The following PARVA variants were observed in gnomAD, a reference collection of about 807,000 sequenced individuals.
The protein encoded by PARVA is alpha-parvin.
A neutral mutation model predicts 52.6 loss-of-function variants in PARVA; 25 were observed. That is an observed-to-expected ratio of 0.48 (90% CI 0.35 to 0.66). PARVA has a LOEUF of 0.66. Among genes scored for constraint, PARVA ranks in the 30% least tolerant of loss-of-function variants. The pLI is 0.01. For synonymous variants in PARVA, 185 were observed against 179.1 expected, an observed-to-expected ratio of 1.03 and a Z score of -0.26; for missense variants, 373 against 450.9, an observed-to-expected ratio of 0.83 and a Z score of 1.56.
intron 1 of PARVA, among the ~76,000 whole-genome samples, chr11:12,404,943 G>T (rs1939880219): frequency 1.3e-5 from 2 of 152,204 alleles, no homozygotes; most frequent in South Asian, 4.1e-4. Flanking sequence ...AGTAGTGAAA[G>T]TCATTCACAT....
intron 1 of PARVA, among the ~76,000 whole-genome samples, chr11:12,422,270 TA>T (rs1940160888): frequency 2.6e-5 from 4 of 152,252 alleles, no homozygotes; most frequent in Admixed American, 2.6e-4. Flanking sequence ...TACTTCTTAA[TA>T]ATATGCTGTT....
At chr11:12,496,337 T>G in intron 4 of PARVA, 121 bp from the exon 5 acceptor site, 5 of 1,024,720 alleles carry the variant, frequency 4.9e-6, no homozygotes, top group South Asian at 1.7e-5. Context: ...CCAGTATCTA[T>G]TGTTGCAAGA....
upstream of PARVA, chr11:12,377,223 G>T: frequency 3.0e-6 from 1 of 334,138 alleles, no homozygotes; most frequent in Non-Finnish European, 5.3e-6. Flanking sequence ...CTCACCAGCC[G>T]CCGGCTGGAA....
chr11:12,508,767 A>G (rs752527335), intron 7 of PARVA, 125 bp downstream of exon 7: 84 of 785,824 alleles, frequency 1.1e-4, no homozygotes, highest in Non-Finnish European at 1.7e-4. Context: ...ACTTCAGCCA[A>G]TGATTATAGT....
In PARVA at chr11:12,473,755, G is replaced by A. The variant is rs1160449521; in HGVS notation, c.147G>A (p.Leu49=). The A allele has an allele frequency of 3.8e-6, 6 of 1,563,588 alleles. No homozygotes were observed. Among genetic ancestry groups the A allele is most frequent in the Non-Finnish European group, 5.2e-6 (6 of 1,153,126 alleles). ...TTCCTTTTCTTCCAGTGTCCGAGCTGCAGGAGGAGGGAATGAACGCCATCA... is the reference window on the plus strand; with the variant it reads ...TTCCTTTTCTTCCAGTGTCCGAGCTACAGGAGGAGGGAATGAACGCCATCA... ...RRKKAKEVSE[L]QEEGMNAINL... is the part of the protein sequence containing the mutation. Residue 49 remains leucine, a synonymous_variant, in exon 2 of 13, where the codon CTG becomes CTA. Transcript: ENST00000334956.
intron 1 of PARVA, among the ~76,000 whole-genome samples, chr11:12,384,003 C>A (rs1270345235): frequency 1.3e-5 from 2 of 152,066 alleles, no homozygotes; most frequent in Non-Finnish European, 2.9e-5. Context: ...CCCTTTCTAC[C>A]ATATCTGGCC....
intron 12 of PARVA, among the ~76,000 whole-genome samples, chr11:12,521,931 G>A (rs188247604): frequency 2.7e-3 from 406 of 152,218 alleles, no homozygotes; most frequent in Middle Eastern, 6.8e-3. Context: ...CGAGCCTCCA[G>A]AAAAAAATGC....
intron 1 of PARVA, chr11:12,398,426 G>A (rs912043193): frequency 6.6e-6 from 1 of 151,194 alleles, no homozygotes; most frequent in African/African-American, 2.4e-5. Flanking sequence ...TGGTGACCCT[G>A]GCTATTGTAA....
intron 1 of PARVA, among the ~76,000 whole-genome samples, chr11:12,417,653 A>T (rs1293525619): frequency 1.3e-5 from 2 of 152,198 alleles, no homozygotes; most frequent in Non-Finnish European, 2.9e-5. Flanking sequence ...GAAAAATGCA[A>T]GAGGATTTAT....
intron 8 of PARVA, 53 bp from the exon 9 acceptor site, chr11:12,513,246 T>C: frequency 6.4e-7 from 1 of 1,563,006 alleles, no homozygotes; most frequent in Non-Finnish European, 8.8e-7. Flanking sequence ...AAGGTGGGCT[T>C]CCCTGCCAGG....
At chr11:12,386,601 A>T (rs758690732) in intron 1 of PARVA, among the ~76,000 whole-genome samples, 3 of 152,284 alleles carry the variant, frequency 2.0e-5, no homozygotes, top group Admixed American at 6.5e-5. Flanking sequence ...CATCAAACAC[A>T]CAGTTATTAG....
intron 1 of PARVA, among the ~76,000 whole-genome samples, chr11:12,450,792 A>G (rs1157644989): frequency 1.3e-5 from 2 of 152,208 alleles, no homozygotes; most frequent in Non-Finnish European, 2.9e-5. Context: ...GTTTGAGGGC[A>G]GGAAGCATCC....
At chr11:12,490,643 C>A (rs1049448771) in intron 4 of PARVA, among the ~76,000 whole-genome samples, 2 of 151,972 alleles carry the variant, frequency 1.3e-5, no homozygotes, top group Non-Finnish European at 2.9e-5. Context: ...GAAAATGAAC[C>A]CCCCAAAAAT....
intron 1 of PARVA, among the ~76,000 whole-genome samples, chr11:12,420,645 G>A (rs904437582): frequency 3.3e-5 from 5 of 152,172 alleles, no homozygotes; most frequent in African/African-American, 1.2e-4. Flanking sequence ...TGTTTTTAGT[G>A]GATGATGAGA....
chr11:12,492,354 A>G (rs868824982), intron 4 of PARVA, among the ~76,000 whole-genome samples: 1 of 152,230 alleles, frequency 6.6e-6, no homozygotes, highest in Non-Finnish European at 1.5e-5. Context: ...AATACTTATG[A>G]AGAGTTAAAC....
At chr11:12,398,418 G>C (rs2134962282) in intron 1 of PARVA, 1 of 151,740 alleles carries the variant, frequency 6.6e-6, no homozygotes, top group East Asian at 2.0e-4. Flanking sequence ...GAATAGGCTG[G>C]TGACCCTGGC....
chr11:12,435,910 C>G (rs180849305), intron 1 of PARVA, among the ~76,000 whole-genome samples: 1 of 152,092 alleles, frequency 6.6e-6, no homozygotes, highest in Non-Finnish European at 1.5e-5. Context: ...CTCTGCTTCC[C>G]GGGTTCAAGT....
chr11:12,432,035 C>T (rs1024931094), intron 1 of PARVA, among the ~76,000 whole-genome samples: 6 of 152,192 alleles, frequency 3.9e-5, no homozygotes, highest in African/African-American at 1.4e-4. Flanking sequence ...AAGGGAAGAG[C>T]TCTGCAAAGG....
At chr11:12,498,329 C>G (rs1941324830) in intron 5 of PARVA, among the ~76,000 whole-genome samples, 1 of 152,108 alleles carries the variant, frequency 6.6e-6, no homozygotes, top group South Asian at 2.1e-4. Context: ...AGCCACTGTG[C>G]CCAGCCTAGA....
Sources: allele counts gnomAD v4.1 joint callset (sites outside exome capture counted in the v4.1 genomes callset), GRCh38; gene constraint gnomAD v4.1.1; transcripts MANE v1.5; gene names NCBI Gene and HGNC (gene_info 2026-07-23, HGNC 2026-07-21).